The following GALNTL6 variants were observed in gnomAD, a reference collection of about 807,000 sequenced individuals.
GALNTL6 encodes the protein polypeptide N-acetylgalactosaminyltransferase like 6, also known as polypeptide N-acetylgalactosaminyltransferase-like 6.
Under a neutral mutation model 73.7 loss-of-function variants are expected in GALNTL6, and 46 were observed. The observed-to-expected ratio is 0.62, with a 90% confidence interval of 0.49 to 0.80. The LOEUF (loss-of-function observed/expected upper bound fraction) is 0.80. Ranked by LOEUF, GALNTL6 falls within the 30% of genes least tolerant of loss-of-function variation. The probability of loss-of-function intolerance (pLI) is 0.00; values close to 1 mark genes in which losing one functional copy is unlikely to be tolerated. For missense variants in GALNTL6, 604 were observed against 755.0 expected (o/e 0.80, Z 2.34); for synonymous variants, 259 against 263.7 (o/e 0.98, Z 0.17).
At chr4:172,799,858 A>G (rs982880785) in intron 5 of GALNTL6, among the ~76,000 whole-genome samples, 1 of 152,200 alleles carries the variant, frequency 6.6e-6, no homozygotes, top group Non-Finnish European at 1.5e-5. Context: ...CAAAGGTGAA[A>G]GCAACCAAAA....
intron 12 of GALNTL6, among the ~76,000 whole-genome samples, chr4:173,034,990 T>A (rs1753625488): frequency 6.6e-6 from 1 of 152,020 alleles, no homozygotes; most frequent in Admixed American, 6.6e-5. Context: ...TATATATTAT[T>A]TTATATATTT....
At position 172,693,187 on chromosome 4, in the gene GALNTL6, T is replaced by C. The variant is rs544370114; in HGVS notation, c.554-116174T>C. ...CAGAATGCTAATTAAGTCTCAGTGA[T>C]GTCTACCTAATTTTTAAAATATATA... On this transcript the variant is annotated intron_variant, in intron 5 of 12. Transcript: ENST00000506823. 2.6e-5 allele frequency among the ~76,000 whole-genome samples: 4 copies of C among 152,346 alleles called. No homozygotes were observed. In the South Asian group the frequency reaches 8.3e-4, roughly 32 times the overall value.
intron 8 of GALNTL6, among the ~76,000 whole-genome samples, chr4:172,887,481 A>G (rs1223850364): frequency 6.6e-6 from 1 of 151,918 alleles, no homozygotes; most frequent in Non-Finnish European, 1.5e-5. Context: ...TCCCACCAAC[A>G]GTGTATAAGT....
At chr4:172,676,566 A>G (rs1267761504) in intron 5 of GALNTL6, among the ~76,000 whole-genome samples, 2 of 152,176 alleles carry the variant, frequency 1.3e-5, no homozygotes, top group Non-Finnish European at 2.9e-5. Context: ...GCAATTTCCT[A>G]TTGGTTCCGC....
At chr4:172,193,076 T>G (rs1462385275) in intron 2 of GALNTL6, among the ~76,000 whole-genome samples, 1 of 152,178 alleles carries the variant, frequency 6.6e-6, no homozygotes, top group East Asian at 1.9e-4. Flanking sequence ...TCAGCCAAAT[T>G]AGTCTTTCTT....
chr4:173,015,554 G>A lies in GALNTL6; in HGVS notation c.1489-5922G>A, dbSNP rs532887154. Among the ~76,000 whole-genome samples, 43 of 152,316 alleles carry A rather than the reference G, an allele frequency of 2.8e-4. No homozygotes were observed. In the East Asian group the frequency reaches 6.4e-3, roughly 23 times the overall value. ...GATGAAGAACTTGTTGGGAACTGGA[G>A]TAAAAGTCACTCTTGTTATGCAAAG... On this transcript the variant is annotated intron_variant, in intron 11 of 12. Coordinates refer to ENST00000506823, the MANE Select transcript of GALNTL6 (RefSeq NM_001034845.3).
chr4:172,193,120 A>T (rs774846868), intron 2 of GALNTL6, among the ~76,000 whole-genome samples: 1 of 152,188 alleles, frequency 6.6e-6, no homozygotes, highest in Non-Finnish European at 1.5e-5. Flanking sequence ...GGCAGTCCAG[A>T]TGAGAGGGAC....
chr4:172,887,316 G>A (rs541101090), intron 8 of GALNTL6, among the ~76,000 whole-genome samples: 6 of 152,038 alleles, frequency 3.9e-5, no homozygotes, highest in African/African-American at 1.4e-4. Context: ...TGTCTTTTTG[G>A]TAAAATGGTT....
chr4:172,890,953 C>A (rs1007419491), intron 8 of GALNTL6, among the ~76,000 whole-genome samples: 2 of 152,008 alleles, frequency 1.3e-5, no homozygotes, highest in African/African-American at 4.8e-5. Context: ...ACCTTCTTTG[C>A]CTGTTTTTAC....
At chr4:172,156,540 A>ATTATATATGT in intron 2 of GALNTL6, among the ~76,000 whole-genome samples, 1 of 125,186 alleles carries the variant, frequency 8.0e-6, no homozygotes, top group Non-Finnish European at 1.6e-5. Flanking sequence ...ATATATATAT[A>ATTATATATGT]ATATATATAT....
At chr4:171,882,907 A>G (rs1215671915) in intron 2 of GALNTL6, among the ~76,000 whole-genome samples, 1 of 152,248 alleles carries the variant, frequency 6.6e-6, no homozygotes, top group Non-Finnish European at 1.5e-5. Flanking sequence ...AGTATGTGAC[A>G]TTTATCTTAA....
intron 2 of GALNTL6, among the ~76,000 whole-genome samples, chr4:172,023,536 CT>C (rs1466685351): frequency 2.6e-5 from 4 of 151,764 alleles, no homozygotes; most frequent in South Asian, 2.1e-4. Context: ...TGATTAATTA[CT>C]TTTCTTATTT....
intron 5 of GALNTL6, among the ~76,000 whole-genome samples, chr4:172,729,149 T>A (rs1736001294): frequency 6.6e-6 from 1 of 152,200 alleles, no homozygotes; most frequent in Non-Finnish European, 1.5e-5. Flanking sequence ...GATGGATAGT[T>A]TGCAAATATT....
At chr4:172,641,977 G>A (rs778065955) in intron 5 of GALNTL6, among the ~76,000 whole-genome samples, 1 of 152,006 alleles carries the variant, frequency 6.6e-6, no homozygotes, top group South Asian at 2.1e-4. Context: ...ATATGAAAGA[G>A]TGCTCAACAA....
intron 10 of GALNTL6, among the ~76,000 whole-genome samples, chr4:172,966,034 C>T (rs190902295): frequency 7.2e-5 from 11 of 151,996 alleles, no homozygotes; most frequent in Admixed American, 7.2e-4. Context: ...TAATCTTTGC[C>T]AAAATAAATC....
intron 7 of GALNTL6, among the ~76,000 whole-genome samples, chr4:172,836,596 A>C (rs192923148): frequency 2.1e-3 from 324 of 152,382 alleles, no homozygotes; most frequent in Middle Eastern, 3.4e-3. Context: ...TAACTTCTAC[A>C]TAAAATATGC....
intron 2 of GALNTL6, among the ~76,000 whole-genome samples, chr4:171,941,394 C>A (rs760335889): frequency 1.2e-4 from 19 of 152,204 alleles, no homozygotes; most frequent in Non-Finnish European, 7.3e-5. Context: ...CCCAAACATT[C>A]TTCTCTTGAA....
intron 3 of GALNTL6, among the ~76,000 whole-genome samples, chr4:172,310,438 T>C (rs1221621637): frequency 6.6e-6 from 1 of 152,094 alleles, no homozygotes; most frequent in Non-Finnish European, 1.5e-5. Context: ...GCCTGCCTAA[T>C]TTTTGTATTT....
Position 172,735,952 on chromosome 4 carries a change from T to G in GALNTL6, c.554-73409T>G, listed in dbSNP as rs574063714. ...CAAAACCAGCAAGTTTTTATTAGGG[T>G]TTTCAAAAGGGGAGGGAGTGTACGA... On this transcript the variant is annotated intron_variant, in intron 5 of 12. Transcript: ENST00000506823. Among the ~76,000 whole-genome samples the G allele has an allele frequency of 6.7e-4, 102 of 151,748 alleles. 1 individual carries two copies. Among genetic ancestry groups the G allele is most frequent in the African/African-American group, 2.5e-3 (102 of 41,352 alleles).
Sources: gnomAD v4.1 joint callset for allele counts (sites outside exome capture counted in the v4.1 genomes callset) on GRCh38, gnomAD v4.1.1 for gene constraint, MANE v1.5 for transcripts, NCBI Gene and HGNC (gene_info 2026-07-23, HGNC 2026-07-21) for gene names.